DGKB: variants seen among roughly 807,000 people sequenced by gnomAD.
The protein encoded by DGKB is diacylglycerol kinase beta.
DGKB carries 67 observed loss-of-function variants against 114.3 expected under a neutral mutation model. That is an observed-to-expected ratio of 0.59 (90% CI 0.48 to 0.72). DGKB has a LOEUF of 0.72. DGKB is among the 30% of genes least tolerant of loss of function. The pLI is 0.00. For missense variants in DGKB, 907 were observed against 975.2 expected (o/e 0.93, Z 0.93); for synonymous variants, 398 against 323.1 (o/e 1.23, Z -2.49).
At position 14,349,138 on chromosome 7, in the gene DGKB, T is replaced by C. The variant is rs972798046; in HGVS notation, c.1836-3747A>G. ...TTGCAATAATTCATATAAAATATAA[T>C]TGAAGGCCTAACCAAATGGCAACAG... On this transcript the variant is annotated intron_variant, in intron 21 of 25. Coordinates refer to ENST00000402815, the MANE Select transcript of DGKB (RefSeq NM_001350709.2). Among the ~76,000 whole-genome samples the C allele has an allele frequency of 2.0e-5, 3 of 151,984 alleles. No homozygotes were observed. In the East Asian group the frequency reaches 5.8e-4, roughly 29 times the overall value.
At chr7:14,491,437 C>T (rs1784586103) in intron 20 of DGKB, among the ~76,000 whole-genome samples, 3 of 152,066 alleles carry the variant, frequency 2.0e-5, no homozygotes. Context: ...ATTACCCAGT[C>T]TCAGGTATGT....
At chr7:14,262,500 G>T (rs1318550714) in intron 23 of DGKB, among the ~76,000 whole-genome samples, 1 of 152,112 alleles carries the variant, frequency 6.6e-6, no homozygotes, top group Non-Finnish European at 1.5e-5. Flanking sequence ...CCTGGGCCTT[G>T]TTCTCAGACT....
intron 20 of DGKB, among the ~76,000 whole-genome samples, chr7:14,530,525 G>A (rs1458206928): frequency 2.0e-5 from 3 of 151,386 alleles, no homozygotes; most frequent in Non-Finnish European, 4.4e-5. Flanking sequence ...CCTTTATAAA[G>A]AGGTGAGGCT....
At chr7:14,407,536 G>A (rs1278960603) in intron 21 of DGKB, among the ~76,000 whole-genome samples, 1 of 152,040 alleles carries the variant, frequency 6.6e-6, no homozygotes, top group Non-Finnish European at 1.5e-5. Flanking sequence ...CTTATTGAGA[G>A]TGACAGTACA....
At chr7:14,313,413 T>TGGG (rs1805772749) in intron 23 of DGKB, among the ~76,000 whole-genome samples, 2 of 151,710 alleles carry the variant, frequency 1.3e-5, no homozygotes, top group Non-Finnish European at 2.9e-5. Context: ...TCAGTGGGTG[T>TGGG]GCGCACAGTG....
intron 20 of DGKB, among the ~76,000 whole-genome samples, chr7:14,501,723 G>A (rs1380772614): frequency 5.3e-5 from 8 of 151,882 alleles, no homozygotes; most frequent in African/African-American, 1.2e-4. Context: ...TTTTCGAATG[G>A]GAGTGTCTAT....
At chr7:14,640,040 G>A (rs1472853219) in intron 13 of DGKB, among the ~76,000 whole-genome samples, 3 of 152,112 alleles carry the variant, frequency 2.0e-5, no homozygotes, top group Non-Finnish European at 4.4e-5. Flanking sequence ...TGCAAATACA[G>A]GAAATAGAAT....
At chr7:14,797,214 G>T (rs1841529027) in intron 2 of DGKB, among the ~76,000 whole-genome samples, 1 of 152,124 alleles carries the variant, frequency 6.6e-6, no homozygotes, top group South Asian at 2.1e-4. Context: ...CCTGAGTCAT[G>T]GCCCCTCAAT....
intron 23 of DGKB, among the ~76,000 whole-genome samples, chr7:14,229,800 G>T (rs12539033): frequency 0.18 from 27,658 of 151,748 alleles, 2,679 homozygotes; most frequent in Non-Finnish European, 0.22. Context: ...AGTGTAACAG[G>T]ATAAATTATG....
intron 23 of DGKB, among the ~76,000 whole-genome samples, chr7:14,279,299 G>T (rs573401031): frequency 6.6e-5 from 10 of 152,116 alleles, no homozygotes; most frequent in Admixed American, 1.3e-4. Context: ...GCAGCCAGGC[G>T]GGGGGAGGGG....
chr7:14,311,755 C>G (rs1402933985), intron 23 of DGKB, among the ~76,000 whole-genome samples: 1 of 152,150 alleles, frequency 6.6e-6, no homozygotes, highest in African/African-American at 2.4e-5. Flanking sequence ...ATTTTCCTAA[C>G]ATTTATATTG....
chr7:14,590,701 T>C (rs1801559569), intron 17 of DGKB, among the ~76,000 whole-genome samples: 1 of 152,148 alleles, frequency 6.6e-6, no homozygotes. Context: ...TATTTAGTGA[T>C]TCTGACCCTC....
At chr7:14,856,796 T>C (rs1230563505) in intron 1 of DGKB, among the ~76,000 whole-genome samples, 2 of 152,146 alleles carry the variant, frequency 1.3e-5, no homozygotes, top group African/African-American at 2.4e-5. Context: ...TATTATGCAT[T>C]GTATTACTGG....
intron 2 of DGKB, among the ~76,000 whole-genome samples, chr7:14,789,748 G>A (rs1342889358): frequency 6.6e-6 from 1 of 152,092 alleles, no homozygotes. Flanking sequence ...GCAGAGTTAT[G>A]GTCTCATACA....
chr7:14,446,161 A>G (rs1376677810), intron 21 of DGKB, among the ~76,000 whole-genome samples: 1 of 152,084 alleles, frequency 6.6e-6, no homozygotes, highest in Non-Finnish European at 1.5e-5. Flanking sequence ...TTTGAAGTCA[A>G]TTTGTCCTCT....
chr7:14,194,623 T>A (rs1292021288), intron 23 of DGKB, among the ~76,000 whole-genome samples: 1 of 152,130 alleles, frequency 6.6e-6, no homozygotes, highest in Non-Finnish European at 1.5e-5. Flanking sequence ...GAGGGGTTAA[T>A]ATATGTTATA....
chr7:14,747,187 TC>T (rs1447733101), intron 4 of DGKB, among the ~76,000 whole-genome samples: 4 of 133,560 alleles, frequency 3.0e-5, no homozygotes, highest in African/African-American at 1.4e-4. Context: ...AACACAAACC[TC>T]TTTTTTTTTT....
At chr7:14,179,361 T>C (rs1428508881) in intron 23 of DGKB, among the ~76,000 whole-genome samples, 1 of 152,244 alleles carries the variant, frequency 6.6e-6, no homozygotes, top group African/African-American at 2.4e-5. Flanking sequence ...AATATTCTTA[T>C]GTGTTTTTGT....
intron 1 of DGKB, among the ~76,000 whole-genome samples, chr7:14,942,254 G>A (rs1036474675): frequency 1.3e-5 from 2 of 151,826 alleles, no homozygotes; most frequent in African/African-American, 2.4e-5. Flanking sequence ...GAAATGAAGA[G>A]AAGTCTTCAT....
Sources: gnomAD v4.1 joint callset for allele counts (sites outside exome capture counted in the v4.1 genomes callset) on GRCh38, gnomAD v4.1.1 for gene constraint, MANE v1.5 for transcripts, NCBI Gene and HGNC (gene_info 2026-07-23, HGNC 2026-07-21) for gene names.